The following ACOT1 variants were observed in gnomAD, a reference collection of about 807,000 sequenced individuals.
ACOT1 encodes the protein acyl-coenzyme A thioesterase 1.
A neutral mutation model predicts 15.7 loss-of-function variants in ACOT1; 8 were observed. The ratio of observed to expected loss-of-function variants is 0.51; its 90% CI spans 0.30 to 0.92. The LOEUF (loss-of-function observed/expected upper bound fraction) is 0.92, where lower values mean the gene tolerates loss of function less well. ACOT1 is among the 40% of genes least tolerant of loss of function. The pLI, the probability that ACOT1 is intolerant of heterozygous loss-of-function variation, is 0.06. For missense variants in ACOT1, 151 were observed against 539.4 expected, an observed-to-expected ratio of 0.28 and a Z score of 7.13; for synonymous variants, 67 against 241.2, an observed-to-expected ratio of 0.28 and a Z score of 6.69.
the ACOT1 span, chr14:73,492,090 G>A: frequency 3.1e-6 from 5 of 1,613,962 alleles, no homozygotes; most frequent in Non-Finnish European, 4.2e-6. The surrounding 1 kb of genome is among the most constrained non-coding windows in gnomAD (Gnocchi z 4.9). Context: ...AAACTCTGGC[G>A]TGTATACCGA....
the ACOT1 span, among the ~76,000 whole-genome samples, chr14:73,509,811 CATATAT>C: frequency 5.1e-5 from 1 of 19,494 alleles, no homozygotes; most frequent in Non-Finnish European, 9.0e-5. Context: ...CCCATGAGCC[CATATAT>C]ATATATATAT....
the ACOT1 span, chr14:73,500,729 C>T: frequency 6.2e-7 from 1 of 1,612,086 alleles, no homozygotes. Context: ...CCTAGCTTGA[C>T]CCTGTAAGGC....
At chr14:73,527,026 G>C in the ACOT1 span, among the ~76,000 whole-genome samples, 1 of 152,136 alleles carries the variant, frequency 6.6e-6, no homozygotes, top group African/African-American at 2.4e-5. Context: ...TCTTACCCAA[G>C]GCCACCAAAG....
chr14:73,531,423 CTTT>C, the ACOT1 span, among the ~76,000 whole-genome samples: 1 of 93,566 alleles, frequency 1.1e-5, no homozygotes, highest in Non-Finnish European at 2.3e-5. Flanking sequence ...AGTTTTTCGT[CTTT>C]TTTTTTTTTT....
At chr14:73,517,001 G>A in the ACOT1 span, among the ~76,000 whole-genome samples, 6 of 152,230 alleles carry the variant, frequency 3.9e-5, no homozygotes, top group Non-Finnish European at 7.3e-5. Flanking sequence ...TCTTGGCAGG[G>A]TACAGTGGCT....
the ACOT1 span, among the ~76,000 whole-genome samples, chr14:73,527,020 AC>A: frequency 5.3e-5 from 8 of 152,170 alleles, no homozygotes; most frequent in Admixed American, 3.3e-4. Flanking sequence ...CCCTTATCTT[AC>A]CCAAGGCCAC....
chr14:73,510,983 A>G, the ACOT1 span, among the ~76,000 whole-genome samples: 3 of 152,182 alleles, frequency 2.0e-5, no homozygotes, highest in Admixed American at 6.6e-5. Flanking sequence ...CTCAGTCCCA[A>G]TGTAATTTAT....
the ACOT1 span, chr14:73,509,241 AG>A: frequency 2.2e-5 from 32 of 1,430,050 alleles, no homozygotes; most frequent in Non-Finnish European, 3.1e-5. Flanking sequence ...TGGAGAGGAA[AG>A]GACTGGGAAA....
At chr14:73,511,711 C>T in the ACOT1 span, among the ~76,000 whole-genome samples, 1 of 151,938 alleles carries the variant, frequency 6.6e-6, no homozygotes, top group East Asian at 1.9e-4. Context: ...ACAGTCTCTA[C>T]CAAAAACAAA....
chr14:73,518,778 T>C, the ACOT1 span, among the ~76,000 whole-genome samples: 3 of 152,318 alleles, frequency 2.0e-5, no homozygotes, highest in East Asian at 3.9e-4. Flanking sequence ...CCTAAACCAC[T>C]TGGTTATACC....
At chr14:73,509,565 A>G in the ACOT1 span, 3 of 1,305,498 alleles carry the variant, frequency 2.3e-6, no homozygotes, top group South Asian at 3.8e-5. Context: ...GGCCAACCTC[A>G]GTCCCAGCTG....
At chr14:73,511,541 AAATAAATAAATAAATAAAT>A in the ACOT1 span, among the ~76,000 whole-genome samples, 45 of 128,652 alleles carry the variant, frequency 3.5e-4, no homozygotes, top group African/African-American at 1.2e-3. Flanking sequence ...ATAAATAAAT[AAATAAATAAATAAATAAAT>A]AAATAAAATA....
At chr14:73,514,880 A>G in the ACOT1 span, among the ~76,000 whole-genome samples, 1 of 151,986 alleles carries the variant, frequency 6.6e-6, no homozygotes, top group Non-Finnish European at 1.5e-5. Flanking sequence ...CATCCTGGCT[A>G]ACACGGTGAA....
chr14:73,534,551 T>C (rs1888801157), upstream of ACOT1, among the ~76,000 whole-genome samples: 4 of 110,656 alleles, frequency 3.6e-5, no homozygotes, highest in African/African-American at 1.2e-4. Context: ...TAGCCAGGTG[T>C]GGTGGTGCAT....
chr14:73,499,156 C>T, the ACOT1 span: 2 of 1,612,044 alleles, frequency 1.2e-6, no homozygotes, highest in Non-Finnish European at 1.7e-6. Context: ...ATGGAAAAGG[C>T]AGTGTTGAGT....
chr14:73,496,997 G>A, the ACOT1 span, among the ~76,000 whole-genome samples: 3 of 152,198 alleles, frequency 2.0e-5, no homozygotes, highest in Non-Finnish European at 4.4e-5. Flanking sequence ...CCAGGTTCAA[G>A]CGATTCTCCT....
chr14:73,532,281 T>G (rs1270200765), upstream of ACOT1, among the ~76,000 whole-genome samples: 2 of 115,564 alleles, frequency 1.7e-5, no homozygotes, highest in Non-Finnish European at 3.8e-5. Flanking sequence ...CTATTTTCCC[T>G]GATCTCCAAA....
chr14:73,493,449 G>C, the ACOT1 span: 1 of 265,816 alleles, frequency 3.8e-6, no homozygotes, highest in Non-Finnish European at 7.6e-6. Flanking sequence ...ATGCAGGAGC[G>C]GGAGGAAGAT....
chr14:73,541,452 G>A lies in ACOT1; in HGVS notation c.458-41G>A. The A allele has an allele frequency of 2.4e-6, 3 of 1,230,612 alleles. 1 individual carries two copies. The highest frequency in any genetic ancestry group is 3.2e-6 in the Non-Finnish European group (3 of 923,718). The allele number at this position is 1,230,612 out of a possible 1,614,324, so 76.2% of individuals were successfully genotyped here. A position where few individuals can be genotyped will look rare whatever the true frequency, so the allele number is the denominator to read the frequency against. ...GGTAAGAAACCATCCAACTGTTTCA[G>A]GAATAGCTTAGTTTTGCATTTTGTT... On this transcript the variant is annotated intron_variant, in intron 1 of 2. Transcript: ENST00000311148.
Sources: gnomAD v4.1 joint callset for allele counts (sites outside exome capture counted in the v4.1 genomes callset) on GRCh38, gnomAD v4.1.1 for gene constraint, Gnocchi (gnomAD v3.1) non-coding constraint, MANE v1.5 for transcripts, NCBI Gene and HGNC (gene_info 2026-07-23, HGNC 2026-07-21) for gene names.